Variants in CCBE1 observed in about 807,000 individuals in gnomAD.
The protein encoded by CCBE1 is collagen and calcium-binding EGF domain-containing protein 1.
Under a neutral mutation model 50.0 loss-of-function variants are expected in CCBE1, and 37 were observed. The observed-to-expected ratio is 0.74, with a 90% CI of 0.57 to 0.97. The LOEUF (loss-of-function observed/expected upper bound fraction) is 0.97. CCBE1 is among the 50% of genes least tolerant of loss of function. The pLI is 0.00. For synonymous variants in CCBE1, 234 were observed against 203.7 expected (o/e 1.15, Z -1.27); for missense variants, 538 against 523.8 (o/e 1.03, Z -0.26).
intron 2 of CCBE1, among the ~76,000 whole-genome samples, chr18:59,559,816 A>G (rs2052708601): frequency 6.6e-6 from 1 of 152,154 alleles, no homozygotes; most frequent in South Asian, 2.1e-4. Context: ...TGCACTGTGC[A>G]TGTCTCTCCC....
intron 2 of CCBE1, among the ~76,000 whole-genome samples, chr18:59,493,696 T>C (rs1426743121): frequency 6.6e-6 from 1 of 152,126 alleles, no homozygotes; most frequent in Non-Finnish European, 1.5e-5. Context: ...ATTAGTAAGA[T>C]TTACATTTGG....
At position 59,497,258 on chromosome 18, in the gene CCBE1, T is replaced by C. The variant is rs575527795; in HGVS notation, c.213-17020A>G. 2.6e-5 allele frequency among the ~76,000 whole-genome samples: 4 copies of C among 152,306 alleles called. No individual in the cohort carries two copies. In the East Asian group the frequency reaches 7.7e-4, roughly 29 times the overall value. On this transcript the variant is annotated intron_variant, in intron 2 of 10. Coordinates refer to ENST00000439986, the MANE Select transcript of CCBE1 (RefSeq NM_133459.4). ...TCGGAAGCCAAACAGAATCAAGTGA[T>C]AATTGAATGCTGACCCTGAGCAACT... is the stretch of plus-strand genomic sequence containing the variant.
At position 59,659,200 on chromosome 18, in the gene CCBE1, T is replaced by C. The variant is rs570194697; in HGVS notation, c.212+37429A>G. 3.3e-5 allele frequency among the ~76,000 whole-genome samples: 5 copies of C among 152,306 alleles called. No homozygotes were observed. In the South Asian group the frequency reaches 1.0e-3, roughly 32 times the overall value. On this transcript the variant is annotated intron_variant, in intron 2 of 10. Transcript: ENST00000439986. ...CGTTCTATGTAAGTACTGAGGATTA[T>C]GTTACTGGAGAAATTGTATAAGGAA...
chr18:59,513,714 C>T (rs184853694), intron 2 of CCBE1, among the ~76,000 whole-genome samples: 14 of 152,316 alleles, frequency 9.2e-5, no homozygotes, highest in Admixed American at 2.0e-4. Context: ...TTAGAGAAAA[C>T]GGGGACGGGC....
chr18:59,550,998 C>CAAAAAAAAAAAAAAAAAAGAAAAA (rs1915894171), intron 2 of CCBE1, among the ~76,000 whole-genome samples: 4 of 71,362 alleles, frequency 5.6e-5, no homozygotes, highest in East Asian at 3.5e-4. Flanking sequence ...CAGCGAGACT[C>CAAAAAAAAAAAAAAAAAAGAAAAA]AAAAAAAAAA....
intron 2 of CCBE1, among the ~76,000 whole-genome samples, chr18:59,502,805 T>A (rs576868496): frequency 6.6e-6 from 1 of 152,324 alleles, no homozygotes; most frequent in Non-Finnish European, 1.5e-5. Flanking sequence ...GGTGATTCTG[T>A]TGCTAGGCCA....
At chr18:59,460,202 C>A (rs1911394400) in intron 5 of CCBE1, among the ~76,000 whole-genome samples, 1 of 152,210 alleles carries the variant, frequency 6.6e-6, no homozygotes, top group Non-Finnish European at 1.5e-5. Context: ...TGGATTGCAA[C>A]CTCTCAAGCC....
intron 2 of CCBE1, among the ~76,000 whole-genome samples, chr18:59,604,141 T>A (rs936909796): frequency 3.9e-5 from 6 of 152,194 alleles, no homozygotes; most frequent in African/African-American, 1.2e-4. Context: ...ACTGGAAAAC[T>A]TATCTAAGGA....
intron 2 of CCBE1, among the ~76,000 whole-genome samples, chr18:59,527,796 G>C (rs571700389): frequency 5.3e-5 from 8 of 152,298 alleles, no homozygotes; most frequent in Non-Finnish European, 2.9e-5. Flanking sequence ...TAAAAAGGTT[G>C]AATACTGGCC....
chr18:59,583,700 C>CAT (rs1555695376), intron 2 of CCBE1, among the ~76,000 whole-genome samples: 10,010 of 144,842 alleles, frequency 0.069, 974 homozygotes, highest in African/African-American at 0.22. Context: ...CGCGCGCGCG[C>CAT]GTGTGTGTGT....
At chr18:59,633,613 C>T (rs974576013) in intron 2 of CCBE1, among the ~76,000 whole-genome samples, 1 of 152,166 alleles carries the variant, frequency 6.6e-6, no homozygotes, top group Non-Finnish European at 1.5e-5. Context: ...ACTCAGCCAG[C>T]AGTGACCCTA....
intron 2 of CCBE1, among the ~76,000 whole-genome samples, chr18:59,522,993 C>CAAAAAAAAAAAAAAAAAAAAAAAAAA (rs57217059): frequency 1.9e-4 from 17 of 89,216 alleles, no homozygotes; most frequent in African/African-American, 2.5e-4. Flanking sequence ...GACTCTGTTT[C>CAAAAAAAAAAAAAAAAAAAAAAAAAA]AAAAAAAAAA....
chr18:59,676,416 T>TATG (rs2054503417), intron 2 of CCBE1, among the ~76,000 whole-genome samples: 1 of 152,242 alleles, frequency 6.6e-6, no homozygotes, highest in South Asian at 2.1e-4. Flanking sequence ...CTCTATTTCA[T>TATG]ATGTCTCCTG....
intron 2 of CCBE1, among the ~76,000 whole-genome samples, chr18:59,550,755 G>A (rs1042379477): frequency 6.6e-6 from 1 of 152,128 alleles, no homozygotes; most frequent in Non-Finnish European, 1.5e-5. Flanking sequence ...TGGGCTGGGT[G>A]CGGTGGCTCA....
chr18:59,571,644 T>G (rs1045492263), intron 2 of CCBE1, among the ~76,000 whole-genome samples: 1 of 152,206 alleles, frequency 6.6e-6, no homozygotes, highest in African/African-American at 2.4e-5. Context: ...AAATCTATCC[T>G]TATAGTAGTC....
chr18:59,638,498 T>C (rs1336689847), intron 2 of CCBE1, among the ~76,000 whole-genome samples: 2 of 152,174 alleles, frequency 1.3e-5, no homozygotes, highest in African/African-American at 4.8e-5. Context: ...ACCCACTGAA[T>C]CAGAAACTCA....
At chr18:59,667,525 A>G (rs1422928137) in intron 2 of CCBE1, among the ~76,000 whole-genome samples, 1 of 152,188 alleles carries the variant, frequency 6.6e-6, no homozygotes, top group Admixed American at 6.5e-5. Context: ...CCGGTGCAGG[A>G]AGGCAATGAG....
chr18:59,489,445 G>A (rs1046765940), intron 2 of CCBE1, among the ~76,000 whole-genome samples: 1 of 151,658 alleles, frequency 6.6e-6, no homozygotes, highest in Non-Finnish European at 1.5e-5. Flanking sequence ...ATGGACTCTC[G>A]CTCTGTTACC....
chr18:59,465,958 A>C (rs982809110), intron 5 of CCBE1, among the ~76,000 whole-genome samples: 10 of 152,078 alleles, frequency 6.6e-5, no homozygotes, highest in Non-Finnish European at 1.3e-4. Flanking sequence ...GCTAATGGGC[A>C]TCACTCTTAT....
Sources: gnomAD v4.1 joint callset for allele counts (sites outside exome capture counted in the v4.1 genomes callset) on GRCh38, gnomAD v4.1.1 for gene constraint, MANE v1.5 for transcripts, NCBI Gene and HGNC (gene_info 2026-07-23, HGNC 2026-07-21) for gene names.